The following MRRF variants were observed in gnomAD, a reference collection of about 807,000 sequenced individuals.
MRRF encodes ribosome-recycling factor, mitochondrial.
MRRF carries 18 observed loss-of-function variants against 25.1 expected under a neutral mutation model. That is an observed-to-expected ratio of 0.72 (90% confidence interval 0.50 to 1.06). The LOEUF (loss-of-function observed/expected upper bound fraction) is 1.06, where lower values mean the gene tolerates loss of function less well. MRRF is among the 50% of genes least tolerant of loss of function. MRRF has a pLI of 0.00. For missense variants in MRRF, 323 were observed against 319.3 expected (o/e 1.01, Z -0.09); for synonymous variants, 113 against 112.1 (o/e 1.01, Z -0.05).
At chr9:122,305,403 C>G (rs1426184748) in intron 5 of MRRF, among the ~76,000 whole-genome samples, 1 of 143,592 alleles carries the variant, frequency 7.0e-6, no homozygotes, top group African/African-American at 2.6e-5. Flanking sequence ...CAGACTGAGA[C>G]TCATCTCAAA....
At chr9:122,308,107 C>A (rs761787090) in intron 5 of MRRF, among the ~76,000 whole-genome samples, 10 of 152,144 alleles carry the variant, frequency 6.6e-5, no homozygotes, top group Non-Finnish European at 1.2e-4. Context: ...CCTGGTGGAG[C>A]TTGTACAAAC....
Position 122,291,815 on chromosome 9 carries a change from A to T in MRRF, c.526A>T (p.Thr176Ser). The T allele has an allele frequency of 6.2e-7, 1 of 1,613,746 alleles. No homozygotes were observed. The highest frequency in any genetic ancestry group is 1.7e-5 in the Admixed American group (1 of 60,020). ...GAATCTGAACCCAGAAGTGGAAGGGACGCTAATTCGGGTACCCATTCCCCA... is the reference window on the plus strand; with the variant it reads ...GAATCTGAACCCAGAAGTGGAAGGGTCGCTAATTCGGGTACCCATTCCCCA... ...GMNLNPEVEG[T>S]LIRVPIPQVT... The change falls in exon 5 of 7, where the codon ACG (threonine) becomes TCG (serine). Residue 176 changes from threonine to serine, a missense_variant. By Grantham distance (58) the Thr-to-Ser change is moderately conservative. Transcript: ENST00000344641.
chr9:122,317,754 GATT>G (rs1191626080), intron 6 of MRRF, among the ~76,000 whole-genome samples: 1 of 152,132 alleles, frequency 6.6e-6, no homozygotes, highest in Non-Finnish European at 1.5e-5. Context: ...TTTTGAGTGA[GATT>G]ATCTTTTTTA....
intron 5 of MRRF, among the ~76,000 whole-genome samples, chr9:122,310,125 AT>A (rs1347971237): frequency 6.6e-6 from 1 of 152,102 alleles, no homozygotes; most frequent in African/African-American, 2.4e-5. Flanking sequence ...GTTCTGTTTC[AT>A]TTGTTTGTTT....
rs1184000969 is a variant in MRRF at position 122,331,196 on chromosome 9, C to T, written c.*8579C>T. 3.3e-5 allele frequency: 5 copies of T among 152,284 alleles called. No homozygotes were observed. The East Asian group carries it at 9.7e-4, about 29-fold the overall frequency. 9.4% of individuals were successfully genotyped at this position (152,284 alleles called of 1,614,324 possible). A position where few individuals can be genotyped will look rare whatever the true frequency, so the allele number is the denominator to read the frequency against. ...CCTGTGCTGATCCCTAACATCTTCA[C>T]CCATCGGGGGCAAAATAAGTAAAAT... On this transcript the variant is annotated 3_prime_UTR_variant, in exon 7 of 7. Coordinates refer to ENST00000344641, the MANE Select transcript of MRRF (RefSeq NM_138777.5).
intron 5 of MRRF, among the ~76,000 whole-genome samples, chr9:122,302,100 G>A (rs906792343): frequency 6.6e-6 from 1 of 152,030 alleles, no homozygotes; most frequent in Non-Finnish European, 1.5e-5. Context: ...GCCGTGAGGC[G>A]TGCTGCCTGT....
rs1286210682 is a variant in MRRF, at chr9:122,328,746, A to G, written c.*6129A>G. ...TTTAGCCCTAAGCAGATAAAGGATT[A>G]GAGATTAGAATGAGGAAGAGGGTTG... is the stretch of plus-strand genomic sequence containing the variant. On this transcript the variant is annotated 3_prime_UTR_variant, in exon 7 of 7. Coordinates refer to ENST00000344641, the MANE Select transcript of MRRF (RefSeq NM_138777.5). The G allele has an allele frequency of 6.6e-6, 1 of 152,228 alleles. No homozygotes were observed. The highest frequency in any genetic ancestry group is 1.5e-5 in the Non-Finnish European group (1 of 68,048). 9.4% of individuals were successfully genotyped at this position (152,228 alleles called of 1,614,324 possible).
chr9:122,268,361 G>T (rs1003976286), intron 1 of MRRF, among the ~76,000 whole-genome samples: 1 of 152,184 alleles, frequency 6.6e-6, no homozygotes, highest in African/African-American at 2.4e-5. Flanking sequence ...GGAATACCAG[G>T]AAACCTGTCT....
chr9:122,319,735 A>T (rs1835763809), intron 6 of MRRF, among the ~76,000 whole-genome samples: 1 of 152,166 alleles, frequency 6.6e-6, no homozygotes, highest in Non-Finnish European at 1.5e-5. Context: ...GGTAAGTGGA[A>T]GCTGTTGTTG....
At chr9:122,311,256 C>T (rs1835188004) in intron 5 of MRRF, among the ~76,000 whole-genome samples, 1 of 152,136 alleles carries the variant, frequency 6.6e-6, no homozygotes, top group Non-Finnish European at 1.5e-5. Flanking sequence ...TTTTAGATAC[C>T]TTTCAGCTCA....
chr9:122,304,743 G>A (rs776324665), intron 5 of MRRF, among the ~76,000 whole-genome samples: 15 of 152,166 alleles, frequency 9.9e-5, no homozygotes, highest in South Asian at 4.1e-4. Context: ...TATCTAAGCC[G>A]GTCTTAATGT....
At chr9:122,305,438 G>A (rs112894305) in intron 5 of MRRF, among the ~76,000 whole-genome samples, 4 of 150,818 alleles carry the variant, frequency 2.7e-5, no homozygotes, top group Middle Eastern at 3.2e-3. Context: ...AAATTGTAAC[G>A]ATGGGGTCTC....
intron 4 of MRRF, chr9:122,285,563 C>T (rs865930731): frequency 2.3e-5 from 10 of 439,820 alleles, no homozygotes; most frequent in Middle Eastern, 7.8e-4. Flanking sequence ...GCTTGGCCAG[C>T]GTGAAAAGGC....
rs1446226585 is a variant in MRRF, at chr9:122,327,313, C to G, written c.*4696C>G. On this transcript the variant is annotated 3_prime_UTR_variant, in exon 7 of 7. Transcript: ENST00000344641. Reference sequence around the variant, plus strand: ...ATCAGTAACTAATATTTGCTTGGTGCTTTTTAGTTTTCAAACTGCTTCTAC... The same window carrying G: ...ATCAGTAACTAATATTTGCTTGGTGGTTTTTAGTTTTCAAACTGCTTCTAC... 6.6e-6 allele frequency: 1 copy of G among 152,058 alleles called. No homozygotes were observed. The highest frequency in any genetic ancestry group is 2.4e-5 in the African/African-American group (1 of 41,378). 9.4% of individuals were successfully genotyped at this position (152,058 alleles called of 1,614,324 possible). A position where few individuals can be genotyped will look rare whatever the true frequency, so the allele number is the denominator to read the frequency against.
At chr9:122,269,165 C>CAAA (rs750976352) in intron 1 of MRRF, among the ~76,000 whole-genome samples, 3 of 105,042 alleles carry the variant, frequency 2.9e-5, no homozygotes, top group Non-Finnish European at 6.1e-5. Context: ...GACTCTGTCT[C>CAAA]AAAAAAAAAA....
At chr9:122,290,859 C>T (rs543460034) in intron 4 of MRRF, among the ~76,000 whole-genome samples, 1 of 152,258 alleles carries the variant, frequency 6.6e-6, no homozygotes, top group East Asian at 1.9e-4. Flanking sequence ...CATTAGTGAG[C>T]AAACTGTCAG....
intron 1 of MRRF, among the ~76,000 whole-genome samples, chr9:122,266,506 TC>T (rs1832095375): frequency 6.6e-6 from 1 of 152,244 alleles, no homozygotes; most frequent in African/African-American, 2.4e-5. Context: ...AGATCACTTT[TC>T]TTATTTTGCA....
At chr9:122,293,845 G>A (rs1833921866) in intron 5 of MRRF, among the ~76,000 whole-genome samples, 1 of 152,080 alleles carries the variant, frequency 6.6e-6, no homozygotes, top group Non-Finnish European at 1.5e-5. Context: ...AAATTACTAG[G>A]GCCCACATTT....
At chr9:122,291,274 G>A (rs1833744740) in intron 4 of MRRF, among the ~76,000 whole-genome samples, 1 of 152,184 alleles carries the variant, frequency 6.6e-6, no homozygotes, top group Non-Finnish European at 1.5e-5. Context: ...TCCAAAATAT[G>A]AGTGAGTTTG....
Sources: gnomAD v4.1 joint callset for allele counts (sites outside exome capture counted in the v4.1 genomes callset) on GRCh38, gnomAD v4.1.1 for gene constraint, MANE v1.5 for transcripts, NCBI Gene and HGNC (gene_info 2026-07-23, HGNC 2026-07-21) for gene names.